The following ZBTB7A variants were observed in gnomAD, a reference collection of about 807,000 sequenced individuals.
ZBTB7A encodes zinc finger and BTB domain-containing protein 7A.
Under a neutral mutation model 26.7 loss-of-function variants are expected in ZBTB7A, and 7 were observed. That is an observed-to-expected ratio of 0.26 (90% CI 0.15 to 0.49). The LOEUF is 0.49. Among genes scored for constraint, ZBTB7A ranks in the 20% least tolerant of loss-of-function variants. The pLI is 0.98. For missense variants in ZBTB7A, 617 were observed against 919.5 expected (o/e 0.67, Z 4.25); for synonymous variants, 452 against 441.0 (o/e 1.02, Z -0.31).
chr19:4,049,695 C>G (rs867401778), intron 2 of ZBTB7A, among the ~76,000 whole-genome samples: 1 of 152,252 alleles, frequency 6.6e-6, no homozygotes, highest in Middle Eastern at 3.4e-3. Flanking sequence ...CCCCACGACA[C>G]CCAGGACTGC....
At chr19:4,051,683 G>T (rs1449912981) in intron 2 of ZBTB7A, among the ~76,000 whole-genome samples, 2 of 152,238 alleles carry the variant, frequency 1.3e-5, no homozygotes, top group Non-Finnish European at 2.9e-5. Context: ...CAAAGCCCAC[G>T]GCAAGGTCTC....
intron 1 of ZBTB7A, among the ~76,000 whole-genome samples, chr19:4,057,508 G>A (rs1445583860): frequency 6.6e-6 from 1 of 152,124 alleles, no homozygotes; most frequent in Non-Finnish European, 1.5e-5. Flanking sequence ...CACCTACTAT[G>A]GCCAGACGCG....
Position 4,053,866 on chromosome 19 carries a change from C to A in ZBTB7A, c.1262+105G>T, listed in dbSNP as rs967386090. On this transcript the variant is annotated intron_variant, in intron 2 of 2. Transcript: ENST00000322357. ...GCACGTGCGTGTATGTGTGCGTCTG[C>A]GTGCATGTGTGCGTGCGGTGCAGGG... The A allele has an allele frequency of 3.7e-6, 5 of 1,336,590 alleles. No individual in the cohort carries two copies. In the African/African-American group the frequency reaches 7.3e-5, roughly 20 times the overall value. The allele number at this position is 1,336,590 out of a possible 1,614,324, so 82.8% of individuals were successfully genotyped here.
rs544828475 is a variant in ZBTB7A, at chr19:4,049,420, G to C, written c.1263-1176C>G. 3.3e-5 allele frequency among the ~76,000 whole-genome samples: 5 copies of C among 151,306 alleles called. No individual in the cohort carries two copies. The South Asian group carries it at 8.4e-4, about 25-fold the overall frequency. ...CTACCCCTGGGGTAGGATGAGGCCAGCCAGTGCCTGGTGCCTTCATTCATG... is the reference window on the plus strand; with the variant it reads ...CTACCCCTGGGGTAGGATGAGGCCACCCAGTGCCTGGTGCCTTCATTCATG... On this transcript the variant is annotated intron_variant, in intron 2 of 2. Coordinates refer to ENST00000322357, the MANE Select transcript of ZBTB7A (RefSeq NM_015898.4).
At chr19:4,056,943 C>T (rs998197727) in intron 1 of ZBTB7A, among the ~76,000 whole-genome samples, 8 of 149,190 alleles carry the variant, frequency 5.4e-5, no homozygotes, top group Non-Finnish European at 1.0e-4. Context: ...AGAAGAATCG[C>T]TTGAACCCGG....
intron 1 of ZBTB7A, chr19:4,062,766 T>C (rs1396824478): frequency 2.0e-5 from 3 of 152,328 alleles, no homozygotes; most frequent in East Asian, 3.9e-4. Flanking sequence ...CATGGGTGGC[T>C]CAGGGAGGGG....
At chr19:4,062,471 C>T (rs1418258087) in intron 1 of ZBTB7A, among the ~76,000 whole-genome samples, 1 of 152,184 alleles carries the variant, frequency 6.6e-6, no homozygotes, top group Non-Finnish European at 1.5e-5. Flanking sequence ...GTGTCTGTGC[C>T]CCATTTTGCA....
At chr19:4,055,449 C>G (rs1273275361) in intron 1 of ZBTB7A, 3 of 985,250 alleles carry the variant, frequency 3.0e-6, no homozygotes, top group South Asian at 9.4e-5. Flanking sequence ...CGATACATGC[C>G]CTGCCTCCAG....
chr19:4,054,528 G>A lies in ZBTB7A; in HGVS notation c.705C>T (p.Asp235=), dbSNP rs2040549647. Residue 235 remains aspartate, a synonymous_variant, in exon 2 of 3, where the codon GAC becomes GAT. Coordinates refer to ENST00000322357, the MANE Select transcript of ZBTB7A (RefSeq NM_015898.4). The part of the protein sequence containing the change: ...PAERPPTGDG[D]EGDSNPGLWP... Reference sequence around the variant, plus strand: ...ACAGACCCGGGTTGCTGTCGCCCTCGTCCCCGTCCCCCGTCGGGGGCCGCT... The same window carrying A: ...ACAGACCCGGGTTGCTGTCGCCCTCATCCCCGTCCCCCGTCGGGGGCCGCT... 57 of 1,439,020 alleles carry A rather than the reference G, an allele frequency of 4.0e-5. No homozygotes were observed. The highest frequency in any genetic ancestry group is 5.2e-5 in the Non-Finnish European group (57 of 1,106,670). 89.1% of individuals were successfully genotyped at this position (1,439,020 alleles called of 1,614,324 possible).
At chr19:4,065,764 A>T in intron 1 of ZBTB7A, 1 of 126,168 alleles carries the variant, frequency 7.9e-6, no homozygotes, top group East Asian at 2.8e-4. Flanking sequence ...CGGGGGGCCG[A>T]GGGGAGGGGG....
chr19:4,050,350 C>T lies in ZBTB7A; in HGVS notation c.1263-2106G>A, dbSNP rs140543576. ...TGCTGGGATTACAGGCGTGAGCCAC[C>T]GCGCCCGGCCGGTCTCTCTTGTTTC... On this transcript the variant is annotated intron_variant, in intron 2 of 2. Coordinates refer to ENST00000322357, the MANE Select transcript of ZBTB7A (RefSeq NM_015898.4). 1.8e-3 allele frequency among the ~76,000 whole-genome samples: 271 copies of T among 150,444 alleles called. 1 individual carries two copies. Among genetic ancestry groups the T allele is most frequent in the African/African-American group, 6.6e-3 (261 of 39,778 alleles).
intron 1 of ZBTB7A, among the ~76,000 whole-genome samples, chr19:4,055,693 G>C (rs1336797095): frequency 6.6e-6 from 1 of 152,106 alleles, no homozygotes; most frequent in East Asian, 1.9e-4. Context: ...CGTGTTGGCG[G>C]GGGCCTGTAG....
intron 1 of ZBTB7A, among the ~76,000 whole-genome samples, chr19:4,057,020 C>T (rs1376574306): frequency 8.5e-6 from 1 of 117,206 alleles, no homozygotes. Flanking sequence ...CAGCGAGACT[C>T]GGTCTGAAAA....
intron 2 of ZBTB7A, among the ~76,000 whole-genome samples, chr19:4,053,727 C>T (rs977687733): frequency 1.3e-5 from 2 of 150,234 alleles, no homozygotes; most frequent in South Asian, 4.2e-4. Flanking sequence ...GTGGCATACG[C>T]GTCTGTGCAT....
In ZBTB7A at chr19:4,044,986, G is replaced by A. The variant is rs1259866916; in HGVS notation, c.*2766C>T. ...GGGAGGGCGGGGCTGGGCTGGGGGGGTCCCGGCTCTGGGCCCATGCAGAGG... is the reference window on the plus strand; with the variant it reads ...GGGAGGGCGGGGCTGGGCTGGGGGGATCCCGGCTCTGGGCCCATGCAGAGG... On this transcript the variant is annotated 3_prime_UTR_variant, in exon 3 of 3. Transcript: ENST00000322357. 1 of 151,968 alleles carries A rather than the reference G, an allele frequency of 6.6e-6. No homozygotes were observed. Among genetic ancestry groups the A allele is most frequent in the East Asian group, 1.9e-4 (1 of 5,156 alleles). The allele number at this position is 151,968 out of a possible 1,614,324, so 9.4% of individuals were successfully genotyped here.
At position 4,044,416 on chromosome 19, in the gene ZBTB7A, G is replaced by A. The variant is rs2040387013; in HGVS notation, c.*3336C>T. ...TTTTTTCCTTAATCTCAAAAGGCGG[G>A]GGGCGTCGGGGGGCAGAGGCAGGTA... On this transcript the variant is annotated 3_prime_UTR_variant, in exon 3 of 3. Coordinates refer to ENST00000322357, the MANE Select transcript of ZBTB7A (RefSeq NM_015898.4). 6.6e-6 allele frequency: 1 copy of A among 150,566 alleles called. No homozygotes were observed. The highest frequency in any genetic ancestry group is 1.5e-5 in the Non-Finnish European group (1 of 67,678). The allele number at this position is 150,566 out of a possible 1,614,324, so 9.3% of individuals were successfully genotyped here.
At position 4,044,089 on chromosome 19, in the gene ZBTB7A, G is replaced by A. The variant is rs1358756449; in HGVS notation, c.*3663C>T. On this transcript the variant is annotated 3_prime_UTR_variant, in exon 3 of 3. Transcript: ENST00000322357. ...CAGTGTCACCACCTGTGAGGTGACC[G>A]CTCCTGCCACGGCCCCGGGGTCTGA... 1.3e-5 allele frequency among the ~76,000 whole-genome samples: 2 copies of A among 151,884 alleles called. No homozygotes were observed. The highest frequency in any genetic ancestry group is 2.4e-5 in the African/African-American group (1 of 41,352).
In ZBTB7A at chr19:4,044,817, A is replaced by G. The variant is rs2040394397; in HGVS notation, c.*2935T>C. 6.6e-6 allele frequency: 1 copy of G among 151,374 alleles called. No homozygotes were observed. The highest frequency in any genetic ancestry group is 6.6e-5 in the Admixed American group (1 of 15,250). The allele number at this position is 151,374 out of a possible 1,614,324, so 9.4% of individuals were successfully genotyped here. A position where few individuals can be genotyped will look rare whatever the true frequency, so the allele number is the denominator to read the frequency against. ...ATGGAGTCAACACGACCCTCCTCAA[A>G]TATCATTTTTTTTTGTTTGTTTGTT... On this transcript the variant is annotated 3_prime_UTR_variant, in exon 3 of 3. Transcript: ENST00000322357.
At chr19:4,051,825 G>A (rs975209212) in intron 2 of ZBTB7A, among the ~76,000 whole-genome samples, 1 of 152,256 alleles carries the variant, frequency 6.6e-6, no homozygotes, top group African/African-American at 2.4e-5. Flanking sequence ...GGACTTGCCT[G>A]GAGCTGCACA....
Sources: gnomAD v4.1 joint callset for allele counts (sites outside exome capture counted in the v4.1 genomes callset) on GRCh38, gnomAD v4.1.1 for gene constraint, MANE v1.5 for transcripts, NCBI Gene and HGNC (gene_info 2026-07-23, HGNC 2026-07-21) for gene names.